MTUS2: variants seen among roughly 807,000 people sequenced by gnomAD.
MTUS2 encodes the protein microtubule-associated tumor suppressor candidate 2.
MTUS2 carries 40 observed loss-of-function variants against 114.1 expected under a neutral mutation model. The observed-to-expected ratio is 0.35, with a 90% CI of 0.27 to 0.46. The LOEUF (loss-of-function observed/expected upper bound fraction) is 0.46, where lower values mean the gene tolerates loss of function less well. Ranked by LOEUF, MTUS2 falls within the 20% of genes least tolerant of loss-of-function variation. The probability of loss-of-function intolerance (pLI) is 1.00; values close to 1 mark genes in which losing one functional copy is unlikely to be tolerated. For missense variants in MTUS2, 1,679 were observed against 1,705.4 expected, an observed-to-expected ratio of 0.98 and a Z score of 0.27; for synonymous variants, 688 against 672.0, an observed-to-expected ratio of 1.02 and a Z score of -0.37.
At chr13:28,830,614 AAGTC>A (rs1351422817) in intron 1 of MTUS2, among the ~76,000 whole-genome samples, 1 of 152,172 alleles carries the variant, frequency 6.6e-6, no homozygotes, top group Non-Finnish European at 1.5e-5. Context: ...GAGGAACAGA[AAGTC>A]AAAGGAATGA....
chr13:29,302,466 T>C (rs1265275544), intron 6 of MTUS2, among the ~76,000 whole-genome samples: 3 of 152,140 alleles, frequency 2.0e-5, no homozygotes, highest in Non-Finnish European at 4.4e-5. Flanking sequence ...CCCAGGAGTG[T>C]CACATACTCT....
intron 2 of MTUS2, among the ~76,000 whole-genome samples, chr13:28,846,333 A>G (rs941799776): frequency 6.6e-6 from 1 of 152,182 alleles, no homozygotes; most frequent in Non-Finnish European, 1.5e-5. Context: ...GGTCTCTGTA[A>G]TAACTAAAGA....
At chr13:28,915,917 T>G (rs1731221868) in intron 2 of MTUS2, among the ~76,000 whole-genome samples, 1 of 152,042 alleles carries the variant, frequency 6.6e-6, no homozygotes. Flanking sequence ...TGTAGTAGTT[T>G]TATAGTTTGA....
chr13:29,467,446 G>A (rs1219203811), intron 9 of MTUS2, among the ~76,000 whole-genome samples: 3 of 152,146 alleles, frequency 2.0e-5, no homozygotes, highest in Non-Finnish European at 2.9e-5. Context: ...TCCACTGCCC[G>A]GGCCTTCTGG....
At chr13:29,426,786 GCTGA>G (rs938665469) in intron 8 of MTUS2, among the ~76,000 whole-genome samples, 6 of 152,120 alleles carry the variant, frequency 3.9e-5, no homozygotes, top group African/African-American at 1.2e-4. Context: ...CCTTTTTAAG[GCTGA>G]CTAATGTTCC....
At chr13:29,289,491 C>G (rs897168046) in intron 6 of MTUS2, among the ~76,000 whole-genome samples, 9 of 136,004 alleles carry the variant, frequency 6.6e-5, no homozygotes, top group Non-Finnish European at 1.2e-4. Context: ...GAGACGGAGT[C>G]TCGCTCTGTC....
intron 5 of MTUS2, among the ~76,000 whole-genome samples, chr13:29,263,829 G>A (rs1566098066): frequency 6.6e-6 from 1 of 152,142 alleles, no homozygotes; most frequent in Non-Finnish European, 1.5e-5. Context: ...CAACACTGGG[G>A]ATTACATTTC....
chr13:28,888,411 C>T lies in MTUS2; in HGVS notation c.-243+48561C>T, dbSNP rs573189348. ...AAGACCCCATCTATCTGGTTTTCCT[C>T]TTGGCATCTTTTTTTTTTTTTTTTT... On this transcript the variant is annotated intron_variant, in intron 2 of 15. Transcript: ENST00000612955. 3.0e-5 allele frequency among the ~76,000 whole-genome samples: 4 copies of T among 134,880 alleles called. No individual in the cohort carries two copies. In the East Asian group the frequency reaches 6.3e-4, roughly 21 times the overall value. The allele number at this position is 134,880 out of a possible 152,430, so 88.5% of individuals were successfully genotyped here.
intron 5 of MTUS2, among the ~76,000 whole-genome samples, chr13:29,186,504 G>A (rs931081522): frequency 1.3e-5 from 2 of 152,178 alleles, no homozygotes; most frequent in East Asian, 1.9e-4. Flanking sequence ...AGACAAAATA[G>A]ACTTTAAGGC....
intron 2 of MTUS2, among the ~76,000 whole-genome samples, chr13:28,990,673 A>G (rs1884802234): frequency 1.1e-5 from 1 of 93,190 alleles, no homozygotes; most frequent in African/African-American, 4.2e-5. Context: ...CACTCTGTAA[A>G]ATAGACCAAT....
chr13:29,005,850 C>G (rs988572499), intron 2 of MTUS2, among the ~76,000 whole-genome samples: 11 of 152,232 alleles, frequency 7.2e-5, no homozygotes, highest in South Asian at 2.1e-4. Context: ...AATCTGCTCT[C>G]TAGGAATATG....
chr13:29,036,154 AAAG>A lies in MTUS2; in HGVS notation c.2446+2032_2446+2034del, dbSNP rs771723575. 7.9e-4 allele frequency among the ~76,000 whole-genome samples: 105 copies of A among 133,106 alleles called. 12 individuals carry two copies. The highest frequency in any genetic ancestry group is 7.3e-3 in the Middle Eastern group (2 of 274). 87.3% of individuals were successfully genotyped at this position (133,106 alleles called of 152,430 possible). A position where few individuals can be genotyped will look rare whatever the true frequency, so the allele number is the denominator to read the frequency against. On this transcript the variant is annotated intron_variant, in intron 4 of 15. Transcript: ENST00000612955. ...GTGAGACTGTCTCAAAAAAAAAAAAAAAGAAAGAAAAATAAAAGAAAAACCCAA... is the reference window on the plus strand; with the variant it reads ...GTGAGACTGTCTCAAAAAAAAAAAAAAAAGAAAAATAAAAGAAAAACCCAA...
rs190244756 is a variant in MTUS2, at chr13:29,292,750, T to A, written c.2806+10885T>A. Among the ~76,000 whole-genome samples, 100 of 152,286 alleles carry A rather than the reference T, an allele frequency of 6.6e-4. 1 individual carries two copies. The highest frequency in any genetic ancestry group is 2.3e-3 in the Admixed American group (35 of 15,296). On this transcript the variant is annotated intron_variant, in intron 6 of 15. Coordinates refer to ENST00000612955, the MANE Select transcript of MTUS2 (RefSeq NM_001033602.4). ...CTCATTTTTTTCATTTCGGAAAAGATCCAGTGTAGTTTGCAGTAAAGGGCA... is the reference window on the plus strand; with the variant it reads ...CTCATTTTTTTCATTTCGGAAAAGAACCAGTGTAGTTTGCAGTAAAGGGCA...
intron 4 of MTUS2, among the ~76,000 whole-genome samples, chr13:29,045,439 C>T (rs984646031): frequency 2.0e-5 from 3 of 152,156 alleles, no homozygotes; most frequent in African/African-American, 7.2e-5. Context: ...CTCTCAAAGG[C>T]CCCACTTACA....
intron 8 of MTUS2, among the ~76,000 whole-genome samples, chr13:29,363,311 T>C (rs1408805399): frequency 1.3e-5 from 2 of 152,224 alleles, no homozygotes; most frequent in African/African-American, 4.8e-5. Flanking sequence ...TTATTATACT[T>C]ATTCAGTATT....
chr13:29,153,786 T>G (rs1892753485), intron 5 of MTUS2, among the ~76,000 whole-genome samples: 1 of 152,254 alleles, frequency 6.6e-6, no homozygotes, highest in Non-Finnish European at 1.5e-5. Flanking sequence ...TTTGGTTTTA[T>G]TTGACAGTGT....
At chr13:29,225,833 T>C (rs892807350) in intron 5 of MTUS2, among the ~76,000 whole-genome samples, 1 of 152,210 alleles carries the variant, frequency 6.6e-6, no homozygotes, top group African/African-American at 2.4e-5. Context: ...AGTATTAGTA[T>C]TGTCCTGGGA....
chr13:29,029,787 C>T (rs1422862018), intron 3 of MTUS2, among the ~76,000 whole-genome samples: 1 of 152,044 alleles, frequency 6.6e-6, no homozygotes, highest in Non-Finnish European at 1.5e-5. Context: ...GGAGGAGGTG[C>T]CAGGCCTCTC....
chr13:29,258,974 G>A (rs1897371186), intron 5 of MTUS2, among the ~76,000 whole-genome samples: 1 of 152,064 alleles, frequency 6.6e-6, no homozygotes, highest in Non-Finnish European at 1.5e-5. Context: ...GACTAATAAA[G>A]GTCTTGCTAT....
Sources: allele counts gnomAD v4.1 joint callset (sites outside exome capture counted in the v4.1 genomes callset), GRCh38; gene constraint gnomAD v4.1.1; transcripts MANE v1.5; gene names NCBI Gene and HGNC (gene_info 2026-07-23, HGNC 2026-07-21).